CNGA1: variants seen among roughly 807,000 people sequenced by gnomAD.
CNGA1 encodes cyclic nucleotide-gated channel alpha-1.
CNGA1 carries 53 observed loss-of-function variants against 69.7 expected under a neutral mutation model. The observed-to-expected ratio is 0.76, with a 90% CI of 0.61 to 0.96. The LOEUF (loss-of-function observed/expected upper bound fraction) is 0.96. Ranked by LOEUF, CNGA1 falls within the 40% of genes least tolerant of loss-of-function variation. The pLI is 0.00. For synonymous variants in CNGA1, 249 were observed against 283.5 expected, an observed-to-expected ratio of 0.88 and a Z score of 1.22; for missense variants, 739 against 811.2, an observed-to-expected ratio of 0.91 and a Z score of 1.08.
At chr4:47,961,301 G>A (rs1478379243) in intron 3 of CNGA1, among the ~76,000 whole-genome samples, 1 of 152,168 alleles carries the variant, frequency 6.6e-6, no homozygotes, top group East Asian at 1.9e-4. Context: ...AAGAAACACA[G>A]GCTGCCTCTT....
chr4:47,999,024 C>A (rs547159563), intron 2 of CNGA1, among the ~76,000 whole-genome samples: 1 of 152,148 alleles, frequency 6.6e-6, no homozygotes, highest in Non-Finnish European at 1.5e-5. Flanking sequence ...TTTCACAATG[C>A]CAAGTCATTC....
At chr4:47,940,630 C>T (rs1739017733) in intron 10 of CNGA1, 133 bp downstream of exon 10, 3 of 673,150 alleles carry the variant, frequency 4.5e-6, no homozygotes, top group Non-Finnish European at 7.9e-6. Flanking sequence ...CTCTTGCCTT[C>T]ACCTGTGCCT....
intron 3 of CNGA1, among the ~76,000 whole-genome samples, chr4:47,977,253 A>T (rs1434937432): frequency 6.6e-6 from 1 of 152,158 alleles, no homozygotes; most frequent in Non-Finnish European, 1.5e-5. Flanking sequence ...GTGTCCTTAT[A>T]AGAAGAGGAA....
intron 3 of CNGA1, among the ~76,000 whole-genome samples, chr4:47,955,789 A>G (rs1468833608): frequency 6.6e-6 from 1 of 152,198 alleles, no homozygotes; most frequent in Non-Finnish European, 1.5e-5. Context: ...GACACACACC[A>G]TCTTCACAAG....
chr4:47,948,068 A>G (rs1661899074), intron 6 of CNGA1, among the ~76,000 whole-genome samples: 2 of 152,224 alleles, frequency 1.3e-5, no homozygotes, highest in African/African-American at 4.8e-5. Flanking sequence ...ATGACTATTC[A>G]TTTGCTTTTT....
rs1182035539 is a variant in CNGA1, at chr4:47,937,239, G to T, written c.1243C>A (p.Gln415Lys). ...CTTACATTTCGAAAATGCATATATT[G>T]CTTGATAGCATCAATTCTTGCTTGA... ...EFQARIDAIKQYMHFRNVSKD... is the reference protein window; with the variant it reads ...EFQARIDAIKKYMHFRNVSKD... The change falls in exon 11 of 11, where the codon CAA (glutamine) becomes AAA (lysine). Residue 415 changes from glutamine to lysine, a missense_variant. By Grantham distance (53) the Gln-to-Lys change is moderately conservative. Coordinates refer to ENST00000514170, the MANE Select transcript of CNGA1 (RefSeq NM_001379270.1). 3 of 1,613,858 alleles carry T rather than the reference G, an allele frequency of 1.9e-6. No individual in the cohort carries two copies. The highest frequency in any genetic ancestry group is 1.6e-4 in the Middle Eastern group (1 of 6,084).
chr4:47,999,535 G>GA (rs960640129), intron 2 of CNGA1, among the ~76,000 whole-genome samples: 6 of 152,024 alleles, frequency 3.9e-5, no homozygotes, highest in Non-Finnish European at 7.4e-5. Flanking sequence ...CCATAATCAG[G>GA]AAAAAAATCA....
At chr4:47,943,130 C>T (rs778939283) in intron 8 of CNGA1, 51 bp downstream of exon 8, 1 of 1,305,844 alleles carries the variant, frequency 7.7e-7, no homozygotes, top group South Asian at 1.2e-5. Flanking sequence ...ATCCCTGCAT[C>T]TAAAACCCAT....
intron 3 of CNGA1, among the ~76,000 whole-genome samples, chr4:47,974,077 TAGATAGATA>T (rs1741204862): frequency 1.3e-5 from 1 of 76,436 alleles, no homozygotes; most frequent in African/African-American, 4.4e-5. Context: ...TCTAGATAGA[TAGATAGATA>T]GATAGATAGA....
At chr4:47,968,230 G>A (rs949093917) in intron 3 of CNGA1, among the ~76,000 whole-genome samples, 1 of 152,102 alleles carries the variant, frequency 6.6e-6, no homozygotes, top group African/African-American at 2.4e-5. Context: ...CCCAATTTCT[G>A]AGATATTTTG....
chr4:48,010,367 G>C (rs1190094366), intron 2 of CNGA1, among the ~76,000 whole-genome samples: 2 of 152,202 alleles, frequency 1.3e-5, no homozygotes, highest in African/African-American at 4.8e-5. Context: ...TAGACCACAT[G>C]ATGCTTTTAC....
At chr4:47,938,658 T>C (rs1305140088) in intron 10 of CNGA1, among the ~76,000 whole-genome samples, 2 of 152,142 alleles carry the variant, frequency 1.3e-5, no homozygotes, top group African/African-American at 4.8e-5. Context: ...CCCAAAGTGC[T>C]GGGATTACAG....
chr4:47,979,729 G>T (rs1235142578), intron 3 of CNGA1, among the ~76,000 whole-genome samples: 2 of 152,034 alleles, frequency 1.3e-5, no homozygotes, highest in Non-Finnish European at 2.9e-5. Flanking sequence ...CTTAACTCTT[G>T]ATTCTTAATT....
chr4:48,015,093 G>C (rs1560319228), intron 1 of CNGA1, among the ~76,000 whole-genome samples: 1 of 152,128 alleles, frequency 6.6e-6, no homozygotes, highest in Non-Finnish European at 1.5e-5. Flanking sequence ...CAGGAGAATG[G>C]CGTGAACCCA....
At chr4:47,971,217 T>A in intron 3 of CNGA1, 1 of 325,914 alleles carries the variant, frequency 3.1e-6, no homozygotes, top group Non-Finnish European at 6.1e-6. Flanking sequence ...AAAGGAGTGG[T>A]GAGAATCTCT....
At chr4:48,010,693 G>A (rs1385680587) in intron 2 of CNGA1, 101 bp downstream of exon 2, 1 of 153,546 alleles carries the variant, frequency 6.5e-6, no homozygotes, top group Non-Finnish European at 1.4e-5. Context: ...AGCTCGATTA[G>A]GATGAACCCA....
At chr4:48,002,659 G>A (rs1389075393) in intron 2 of CNGA1, among the ~76,000 whole-genome samples, 2 of 146,222 alleles carry the variant, frequency 1.4e-5, no homozygotes, top group Non-Finnish European at 1.5e-5. Context: ...GCTGGTCCAG[G>A]TGGAGCCGTG....
At chr4:47,990,479 C>G (rs533083579) in intron 2 of CNGA1, among the ~76,000 whole-genome samples, 2 of 152,062 alleles carry the variant, frequency 1.3e-5, no homozygotes, top group African/African-American at 4.8e-5. Flanking sequence ...GCTTTCGAAC[C>G]CTGTTTCCTG....
intron 2 of CNGA1, among the ~76,000 whole-genome samples, chr4:47,987,056 T>C (rs1443313223): frequency 6.6e-6 from 1 of 152,122 alleles, no homozygotes; most frequent in Non-Finnish European, 1.5e-5. Flanking sequence ...TGACCCTGTA[T>C]ACCTATCACT....
Sources: allele counts gnomAD v4.1 joint callset (sites outside exome capture counted in the v4.1 genomes callset), GRCh38; gene constraint gnomAD v4.1.1; transcripts MANE v1.5; gene names NCBI Gene and HGNC (gene_info 2026-07-23, HGNC 2026-07-21).